The following IL1RAPL2 variants were observed in gnomAD, a reference collection of about 807,000 sequenced individuals.
IL1RAPL2 encodes interleukin 1 receptor accessory protein like 2, also known as X-linked interleukin-1 receptor accessory protein-like 2.
In IL1RAPL2, 3 loss-of-function variants were observed where a neutral mutation model predicts 44.1. That is an observed-to-expected ratio of 0.07 (90% confidence interval 0.03 to 0.18). The LOEUF is 0.18. Among genes scored for constraint, IL1RAPL2 ranks in the 10% least tolerant of loss-of-function variants. The probability of loss-of-function intolerance (pLI) is 1.00; values close to 1 mark genes in which losing one functional copy is unlikely to be tolerated. For synonymous variants in IL1RAPL2, 181 were observed against 178.8 expected, an observed-to-expected ratio of 1.01 and a Z score of -0.10; for missense variants, 391 against 496.4, an observed-to-expected ratio of 0.79 and a Z score of 2.02.
intron 1 of IL1RAPL2, among the ~76,000 whole-genome samples, chrX:104,620,042 C>T (rs1929355104): frequency 9.0e-6 from 1 of 111,340 alleles, no homozygotes; most frequent in Admixed American, 9.6e-5. Flanking sequence ...ATGGCATATT[C>T]TAGGAACCTT....
intron 2 of IL1RAPL2, among the ~76,000 whole-genome samples, chrX:104,844,305 A>T (rs1353052255): frequency 9.0e-6 from 1 of 111,443 alleles, no homozygotes; most frequent in Non-Finnish European, 1.9e-5. Flanking sequence ...AATTAGGTCA[A>T]CCTTTTCCAA....
At chrX:104,923,340 G>C (rs1243822525) in intron 2 of IL1RAPL2, among the ~76,000 whole-genome samples, 1 of 111,655 alleles carries the variant, frequency 9.0e-6, no homozygotes, top group African/African-American at 3.3e-5. Flanking sequence ...GAGAAACATT[G>C]CCAAGGCATA....
intron 5 of IL1RAPL2, among the ~76,000 whole-genome samples, chrX:105,405,035 TAG>T (rs200632858): frequency 9.0e-6 from 1 of 111,377 alleles, no homozygotes; most frequent in African/African-American, 3.3e-5. Flanking sequence ...TACATATATA[TAG>T]AGAGAGAGAC....
At chrX:105,442,202 C>T (rs1042151599) in intron 5 of IL1RAPL2, among the ~76,000 whole-genome samples, 9 of 109,821 alleles carry the variant, frequency 8.2e-5, no homozygotes, top group African/African-American at 2.7e-4. Context: ...AGGTGCCCAC[C>T]ACCATGCCCA....
At chrX:104,990,180 G>A (rs1422502375) in intron 2 of IL1RAPL2, among the ~76,000 whole-genome samples, 2 of 112,127 alleles carry the variant, frequency 1.8e-5, no homozygotes, top group Non-Finnish European at 3.8e-5. Context: ...GGGCCGATGT[G>A]TATCTCTTCA....
At chrX:104,685,444 G>A (rs1230720139) in intron 2 of IL1RAPL2, among the ~76,000 whole-genome samples, 4 of 111,540 alleles carry the variant, frequency 3.6e-5, no homozygotes, top group African/African-American at 1.3e-4. Flanking sequence ...GGTAATTGAG[G>A]GGGCCTTGCT....
At chrX:105,410,704 A>T (rs373042801) in intron 5 of IL1RAPL2, among the ~76,000 whole-genome samples, 2 of 111,713 alleles carry the variant, frequency 1.8e-5, no homozygotes, top group Admixed American at 9.5e-5. Context: ...AGGAATAAAA[A>T]CCCCCTGAGA....
intron 5 of IL1RAPL2, among the ~76,000 whole-genome samples, chrX:105,356,205 A>T (rs902847981): frequency 9.2e-6 from 1 of 109,258 alleles, no homozygotes; most frequent in Non-Finnish European, 1.9e-5. Flanking sequence ...TGGGGGCTGA[A>T]CTCAGCTGGA....
chrX:104,770,833 T>C (rs1379445410), intron 2 of IL1RAPL2, among the ~76,000 whole-genome samples: 1 of 111,927 alleles, frequency 8.9e-6, no homozygotes, highest in African/African-American at 3.2e-5. Context: ...GATTATTTCA[T>C]CACCCAAGTA....
intron 2 of IL1RAPL2, among the ~76,000 whole-genome samples, chrX:104,871,922 T>A (rs1922774888): frequency 9.0e-6 from 1 of 111,710 alleles, no homozygotes; most frequent in Non-Finnish European, 1.9e-5. Flanking sequence ...GAGATCATGG[T>A]TTTGTCTTAC....
chrX:105,699,610 C>T (rs1264531093), intron 6 of IL1RAPL2, among the ~76,000 whole-genome samples: 1 of 111,885 alleles, frequency 8.9e-6, no homozygotes, highest in Non-Finnish European at 1.9e-5. Context: ...CTTGCTTCAT[C>T]TTCCACATTC....
intron 2 of IL1RAPL2, among the ~76,000 whole-genome samples, chrX:105,115,599 C>A (rs2032848064): frequency 8.9e-6 from 1 of 112,550 alleles, no homozygotes; most frequent in African/African-American, 3.2e-5. Context: ...GAGCTAGATG[C>A]AGAGTGCTGA....
chrX:104,604,003 A>G (rs1474632052), intron 1 of IL1RAPL2, among the ~76,000 whole-genome samples: 2 of 111,599 alleles, frequency 1.8e-5, no homozygotes, highest in African/African-American at 3.3e-5. Flanking sequence ...ACACATAATC[A>G]TCAGATTCAC....
intron 2 of IL1RAPL2, among the ~76,000 whole-genome samples, chrX:105,076,698 A>C (rs866183102): frequency 8.1e-5 from 9 of 111,430 alleles, no homozygotes; most frequent in African/African-American, 2.6e-4. Flanking sequence ...GTAGGTCACT[A>C]AGGACTTGCT....
chrX:105,611,968 C>T (rs994568083), intron 6 of IL1RAPL2, among the ~76,000 whole-genome samples: 8 of 111,554 alleles, frequency 7.2e-5, no homozygotes, highest in African/African-American at 2.6e-4. Flanking sequence ...TGGCTATGAG[C>T]CTTTGCATAC....
chrX:104,856,399 A>G (rs761296288), intron 2 of IL1RAPL2, among the ~76,000 whole-genome samples: 111 of 112,128 alleles, frequency 9.9e-4, no homozygotes, highest in Non-Finnish European at 1.5e-3. Flanking sequence ...CAACAGGAAA[A>G]TGAATCGGGA....
chrX:105,206,099 A>T (rs921870780), intron 3 of IL1RAPL2, among the ~76,000 whole-genome samples: 1 of 111,297 alleles, frequency 9.0e-6, no homozygotes, highest in African/African-American at 3.3e-5. Flanking sequence ...TGTGTGAATC[A>T]TGGTGCTATT....
chrX:104,972,132 C>A (rs187252109), intron 2 of IL1RAPL2, among the ~76,000 whole-genome samples: 1 of 111,426 alleles, frequency 9.0e-6, no homozygotes, highest in East Asian at 2.8e-4. Context: ...TTTCCAGAAG[C>A]GGGCAGTACT....
intron 2 of IL1RAPL2, among the ~76,000 whole-genome samples, chrX:105,043,577 A>C (rs1035424153): frequency 2.7e-5 from 3 of 110,146 alleles, no homozygotes; most frequent in Non-Finnish European, 3.8e-5. Context: ...AAAAAAAAAA[A>C]AAAAACATGT....
Sources: gnomAD v4.1 joint callset for allele counts (sites outside exome capture counted in the v4.1 genomes callset) on GRCh38, gnomAD v4.1.1 for gene constraint, MANE v1.5 for transcripts, NCBI Gene and HGNC (gene_info 2026-07-23, HGNC 2026-07-21) for gene names.